CDC34: variants seen among roughly 807,000 people sequenced by gnomAD.
CDC34 encodes cell division cycle 34, ubiquitin conjugating enzyme.
In CDC34, 18 loss-of-function variants were observed where a neutral mutation model predicts 26.8. The ratio of observed to expected loss-of-function variants is 0.67; its 90% CI spans 0.47 to 1.00. CDC34 has a LOEUF of 1.00. Among genes scored for constraint, CDC34 ranks in the 50% least tolerant of loss-of-function variants. The pLI, the probability that CDC34 is intolerant of heterozygous loss-of-function variation, is 0.00. For synonymous variants in CDC34, 178 were observed against 147.5 expected, an observed-to-expected ratio of 1.21 and a Z score of -1.50; for missense variants, 280 against 334.5, an observed-to-expected ratio of 0.84 and a Z score of 1.27.
Position 537,126 on chromosome 19 carries a change from G to T in CDC34, c.476G>T (p.Arg159Leu), listed in dbSNP as rs373877648. Residue 159 changes from arginine (R) to leucine (L), a missense_variant, in exon 4 of 5, where the codon CGG becomes CTG. Transcript: ENST00000215574. ...RKWKESKGKD[R>L]EYTDIIRKQV... The stretch of plus-strand genomic sequence containing the variant: ...TGGAAAGAGAGCAAGGGGAAGGATC[G>T]GGAGTACACAGACATCATCCGGTGA... The T allele has an allele frequency of 1.9e-6, 3 of 1,613,582 alleles. No individual in the cohort carries two copies. Among genetic ancestry groups the T allele is most frequent in the Non-Finnish European group, 2.5e-6 (3 of 1,179,954 alleles).
intron 1 of CDC34, among the ~76,000 whole-genome samples, chr19:533,545 C>G (rs751118881): frequency 6.6e-6 from 1 of 152,232 alleles, no homozygotes. Context: ...AGCAGCTCCT[C>G]CGCCAGCCCC....
chr19:538,981 A>C (rs1490721771), intron 4 of CDC34: 5 of 984,286 alleles, frequency 5.1e-6, no homozygotes, highest in Non-Finnish European at 6.0e-6. Flanking sequence ...CTGAGGCACC[A>C]CCTCCTTGAG....
intron 1 of CDC34, among the ~76,000 whole-genome samples, chr19:532,397 C>T (rs536402715): frequency 3.3e-5 from 5 of 152,312 alleles, no homozygotes; most frequent in Non-Finnish European, 7.4e-5. Flanking sequence ...GAGGGGTGGC[C>T]GGGGGCCCTC....
rs146527192 is a variant in CDC34, at chr19:536,279, G to A, written c.301G>A (p.Val101Met). The change falls in exon 3 of 5, where the codon GTG becomes ATG. Residue 101 changes from valine (V) to methionine (M), a missense_variant. Val to Met is a conservative substitution (Grantham distance 21). Coordinates refer to ENST00000215574, the MANE Select transcript of CDC34 (RefSeq NM_004359.2). ...GTGTATCTCCATCCTCCACCCGCCGGTGGACGACCCCCAGAGCGGGGAGCT... is the reference window on the plus strand; with the variant it reads ...GTGTATCTCCATCCTCCACCCGCCGATGGACGACCCCCAGAGCGGGGAGCT... ...DVCISILHPP[V>M]DDPQSGELPS... 9.2e-5 allele frequency: 148 copies of A among 1,612,076 alleles called. No homozygotes were observed. The highest frequency in any genetic ancestry group is 1.2e-4 in the Non-Finnish European group (145 of 1,179,622).
chr19:535,081 G>A (rs1370440649), intron 1 of CDC34, among the ~76,000 whole-genome samples: 1 of 152,232 alleles, frequency 6.6e-6, no homozygotes, highest in Non-Finnish European at 1.5e-5. Context: ...GAGGGCCGTG[G>A]GTGGCATCAC....
In CDC34 at chr19:541,696, T is replaced by A. The variant is rs2145854104; in HGVS notation, c.*144T>A. ...TTGGCTTTTTCTCCCTCCCCATGTC[T>A]GTTCTGGGTTTTCACGTGCTTCAGA... On this transcript the variant is annotated 3_prime_UTR_variant, in exon 5 of 5. Coordinates refer to ENST00000215574, the MANE Select transcript of CDC34 (RefSeq NM_004359.2). 2 of 896,032 alleles carry A rather than the reference T, an allele frequency of 2.2e-6. No homozygotes were observed. The highest frequency in any genetic ancestry group is 3.2e-6 in the Non-Finnish European group (2 of 623,482). The allele number at this position is 896,032 out of a possible 1,614,324, so 55.5% of individuals were successfully genotyped here.
intron 4 of CDC34, chr19:538,757 T>C (rs2145851276): frequency 1.0e-6 from 1 of 985,396 alleles, no homozygotes; most frequent in Non-Finnish European, 1.2e-6. Context: ...GGCAGCATCC[T>C]GGTGCTGGGC....
At chr19:536,154 G>C in intron 2 of CDC34, 89 bp from the exon 3 acceptor site, 1 of 1,112,414 alleles carries the variant, frequency 9.0e-7, no homozygotes, top group Admixed American at 2.2e-5. Context: ...TCACGTCCTC[G>C]TCCTCCACGT....
At chr19:533,327 G>A (rs527530911) in intron 1 of CDC34, among the ~76,000 whole-genome samples, 1 of 152,322 alleles carries the variant, frequency 6.6e-6, no homozygotes, top group Non-Finnish European at 1.5e-5. Flanking sequence ...GTGGGGCCGA[G>A]GGACCGATGC....
rs1303262982 is a variant in CDC34 at position 531,919 on chromosome 19, C to A, written c.-13C>A. On this transcript the variant is annotated 5_prime_UTR_variant, in exon 1 of 5. Transcript: ENST00000215574. Reference sequence around the variant, plus strand: ...CCCGCGCTGCTCCGACCCCGGGCCCCTCCGCCGCCGCCATGGCTCGGCCGC... The same window carrying A: ...CCCGCGCTGCTCCGACCCCGGGCCCATCCGCCGCCGCCATGGCTCGGCCGC... 7.1e-7 allele frequency: 1 copy of A among 1,409,960 alleles called. No homozygotes were observed. The highest frequency in any genetic ancestry group is 9.2e-7 in the Non-Finnish European group (1 of 1,086,630). 87.3% of individuals were successfully genotyped at this position (1,409,960 alleles called of 1,614,324 possible). A position where few individuals can be genotyped will look rare whatever the true frequency, so the allele number is the denominator to read the frequency against.
intron 4 of CDC34, among the ~76,000 whole-genome samples, chr19:539,359 C>A (rs1408847706): frequency 6.6e-6 from 1 of 151,144 alleles, no homozygotes; most frequent in Non-Finnish European, 1.5e-5. Flanking sequence ...CCCCCCAGCC[C>A]GTCCACCCTG....
intron 1 of CDC34, among the ~76,000 whole-genome samples, chr19:533,364 C>G (rs549728138): frequency 1.3e-5 from 2 of 152,340 alleles, no homozygotes; most frequent in African/African-American, 2.4e-5. Flanking sequence ...GTCTGCTCTC[C>G]GAGCTAATTA....
intron 1 of CDC34, 86 bp downstream of exon 1, chr19:532,194 C>A: frequency 8.7e-7 from 1 of 1,147,564 alleles, no homozygotes; most frequent in Non-Finnish European, 1.2e-6. Flanking sequence ...GCGGTCCTAG[C>A]GCTGTTGCTG....
intron 1 of CDC34, among the ~76,000 whole-genome samples, chr19:533,293 G>A (rs113037139): frequency 6.6e-6 from 1 of 152,160 alleles, no homozygotes; most frequent in Non-Finnish European, 1.5e-5. Flanking sequence ...GGCCCGGCCC[G>A]CTCTGCCCCG....
At position 532,009 on chromosome 19, in the gene CDC34, G is replaced by T; in HGVS notation, c.78G>T (p.Glu26Asp). 1 of 1,509,608 alleles carries T rather than the reference G, an allele frequency of 6.6e-7. No individual in the cohort carries two copies. The highest frequency in any genetic ancestry group is 8.8e-7 in the Non-Finnish European group (1 of 1,137,354). The allele number at this position is 1,509,608 out of a possible 1,614,324, so 93.5% of individuals were successfully genotyped here. A position where few individuals can be genotyped will look rare whatever the true frequency, so the allele number is the denominator to read the frequency against. Residue 26 changes from glutamate (E) to aspartate (D), a missense_variant, in exon 1 of 5, where the codon GAG (glutamate) becomes GAT (aspartate). Transcript: ENST00000215574. ...AGGGGCTGCAGGAAGAGCCGGTCGA[G>T]GGATTCCGCGTGACACTGGTGGACG... ...ELKGLQEEPV[E>D]GFRVTLVDEG...
intron 4 of CDC34, 103 bp from the exon 5 acceptor site, chr19:541,236 G>A: frequency 7.1e-7 from 1 of 1,404,138 alleles, no homozygotes; most frequent in Admixed American, 2.8e-5. Context: ...CGTTTTAAGA[G>A]AAACCTGAGC....
chr19:537,188 T>G (rs1436144567), intron 4 of CDC34, 41 bp downstream of exon 4: 1 of 1,606,978 alleles, frequency 6.2e-7, no homozygotes, highest in Non-Finnish European at 8.5e-7. Context: ...GAGACTCAGA[T>G]CCGGCCTGCA....
chr19:536,111 C>T, intron 2 of CDC34, 132 bp from the exon 3 acceptor site: 1 of 826,316 alleles, frequency 1.2e-6, no homozygotes, highest in South Asian at 1.7e-5. Context: ...GCCTCATGTC[C>T]TCGTCCTTCC....
At chr19:537,357 C>CT (rs922113194) in intron 4 of CDC34, among the ~76,000 whole-genome samples, 7 of 151,532 alleles carry the variant, frequency 4.6e-5, no homozygotes, top group African/African-American at 1.7e-4. Context: ...CCCTTTTCCT[C>CT]TTTTTTTTTG....
Sources: gnomAD v4.1 joint callset for allele counts (sites outside exome capture counted in the v4.1 genomes callset) on GRCh38, gnomAD v4.1.1 for gene constraint, MANE v1.5 for transcripts, NCBI Gene and HGNC (gene_info 2026-07-23, HGNC 2026-07-21) for gene names.